The following KIAA1549L variants were observed in gnomAD, a reference collection of about 807,000 sequenced individuals.
KIAA1549L encodes the protein UPF0606 protein KIAA1549L.
Under a neutral mutation model 160.7 loss-of-function variants are expected in KIAA1549L, and 88 were observed. That is an observed-to-expected ratio of 0.55 (90% CI 0.46 to 0.65). The LOEUF (loss-of-function observed/expected upper bound fraction) is 0.65. Ranked by LOEUF, KIAA1549L falls within the 30% of genes least tolerant of loss-of-function variation. KIAA1549L has a pLI of 0.00. For missense variants in KIAA1549L, 2,258 were observed against 2,437.5 expected, an observed-to-expected ratio of 0.93 and a Z score of 1.55; for synonymous variants, 950 against 976.7, an observed-to-expected ratio of 0.97 and a Z score of 0.51.
chr11:33,532,530 C>T (rs1853797620), intron 1 of KIAA1549L, among the ~76,000 whole-genome samples: 1 of 152,194 alleles, frequency 6.6e-6, no homozygotes, highest in Non-Finnish European at 1.5e-5. Flanking sequence ...CCCCATTTTA[C>T]AGATAAGGAA....
chr11:33,570,235 C>G (rs192696276), intron 9 of KIAA1549L, among the ~76,000 whole-genome samples: 1 of 152,092 alleles, frequency 6.6e-6, no homozygotes, highest in African/African-American at 2.4e-5. Flanking sequence ...AACTCCTGAC[C>G]TCATGATCCA....
At chr11:33,641,883 A>G (rs761810152) in intron 16 of KIAA1549L, among the ~76,000 whole-genome samples, 46 of 151,978 alleles carry the variant, frequency 3.0e-4, no homozygotes, top group Non-Finnish European at 5.4e-4. Flanking sequence ...TATTGTTATT[A>G]TTTGTTTCCT....
rs770503137 is a variant in KIAA1549L, at chr11:33,574,757, A to C, written c.4286A>C (p.Tyr1429Ser). Residue 1429 changes from tyrosine to serine, a missense_variant, in exon 10 of 21, where the codon TAT becomes TCT. By Grantham distance (144) the Tyr-to-Ser change is moderately radical. Coordinates refer to ENST00000658780, the MANE Select transcript of KIAA1549L (RefSeq NM_012194.3). ...GPKDPAELTY[Y>S]TLYNGKPLLG... ...AAGGACCCAGCGGAGCTGACTTACT[A>C]TACCCTGTACAACGGGAAGCCTTTG... is the stretch of plus-strand genomic sequence containing the variant. 6.2e-7 allele frequency: 1 copy of C among 1,613,992 alleles called. No individual in the cohort carries two copies. Among genetic ancestry groups the C allele is most frequent in the Non-Finnish European group, 8.5e-7 (1 of 1,179,862 alleles).
At chr11:33,469,227 T>G (rs1434261168) in intron 1 of KIAA1549L, among the ~76,000 whole-genome samples, 4 of 152,180 alleles carry the variant, frequency 2.6e-5, no homozygotes, top group Non-Finnish European at 5.9e-5. Context: ...GCAATCTACC[T>G]TCTGTCTCTG....
intron 1 of KIAA1549L, among the ~76,000 whole-genome samples, chr11:33,489,417 A>G (rs1287370759): frequency 6.6e-6 from 1 of 152,184 alleles, no homozygotes; most frequent in Non-Finnish European, 1.5e-5. Context: ...AATTACTTCC[A>G]AAGGCTCCAT....
At chr11:33,548,192 A>C (rs921662496) in intron 4 of KIAA1549L, among the ~76,000 whole-genome samples, 1 of 152,164 alleles carries the variant, frequency 6.6e-6, no homozygotes, top group African/African-American at 2.4e-5. Flanking sequence ...TGGGGTCAGG[A>C]GTTTGAGACC....
rs116168296 is a variant in KIAA1549L, at chr11:33,499,314, C to T, written c.239-42488C>T. On this transcript the variant is annotated intron_variant, in intron 1 of 20. Transcript: ENST00000658780. ...TTTGAAGCTCAGAGAGCCCTGAATG[C>T]GTGAGGTGGCATCCTTCACTAACTA... Among the ~76,000 whole-genome samples the T allele has an allele frequency of 1.1e-3, 166 of 152,272 alleles. 1 individual carries two copies. The highest frequency in any genetic ancestry group is 3.6e-3 in the African/African-American group (150 of 41,554).
chr11:33,654,989 A>G (rs1337477621), intron 17 of KIAA1549L, among the ~76,000 whole-genome samples: 2 of 152,152 alleles, frequency 1.3e-5, no homozygotes, highest in African/African-American at 2.4e-5. Context: ...CAGGTTTAAA[A>G]TCCTGTCATC....
Position 33,405,703 on chromosome 11 carries a change from G to A in KIAA1549L, c.238+28814G>A, listed in dbSNP as rs543088645. Reference sequence around the variant, plus strand: ...CTAAAAATACAAAAATTAGCCAGGCGTGGTGGCGGGCACCTGTAGTCCCAG... The same window carrying A: ...CTAAAAATACAAAAATTAGCCAGGCATGGTGGCGGGCACCTGTAGTCCCAG... On this transcript the variant is annotated intron_variant, in intron 1 of 20. Coordinates refer to ENST00000658780, the MANE Select transcript of KIAA1549L (RefSeq NM_012194.3). 4.0e-5 allele frequency among the ~76,000 whole-genome samples: 6 copies of A among 151,762 alleles called. No homozygotes were observed. In the East Asian group the frequency reaches 7.7e-4, roughly 20 times the overall value.
intron 1 of KIAA1549L, among the ~76,000 whole-genome samples, chr11:33,499,728 T>C (rs1408586252): frequency 1.3e-5 from 2 of 152,208 alleles, no homozygotes; most frequent in Admixed American, 1.3e-4. Context: ...CGTTTTGGGT[T>C]GTACCCAAGC....
chr11:33,607,903 G>A (rs760606250), intron 14 of KIAA1549L, among the ~76,000 whole-genome samples: 16 of 152,286 alleles, frequency 1.1e-4, no homozygotes, highest in African/African-American at 3.8e-4. Flanking sequence ...GGTTGTGGAC[G>A]TACAGAGCAC....
chr11:33,559,374 G>T (rs905165465), intron 6 of KIAA1549L, among the ~76,000 whole-genome samples: 2 of 152,192 alleles, frequency 1.3e-5, no homozygotes. Flanking sequence ...ACATACCAGT[G>T]ATTAAGAACC....
intron 1 of KIAA1549L, among the ~76,000 whole-genome samples, chr11:33,455,045 C>T (rs1005688026): frequency 5.9e-5 from 9 of 152,232 alleles, no homozygotes; most frequent in Admixed American, 1.3e-4. Context: ...GCCGAGATTG[C>T]GCCACTGCAC....
intron 1 of KIAA1549L, among the ~76,000 whole-genome samples, chr11:33,390,413 A>G (rs1325672926): frequency 2.0e-5 from 3 of 152,166 alleles, no homozygotes; most frequent in Non-Finnish European, 4.4e-5. Flanking sequence ...TAAACCTTGC[A>G]CGGGGCTTTT....
At position 33,574,731 on chromosome 11, in the gene KIAA1549L, G is replaced by A. The variant is rs139772715; in HGVS notation, c.4260G>A (p.Pro1420=). 11,681 of 1,612,802 alleles carry A rather than the reference G, an allele frequency of 7.2e-3. 55 individuals carry two copies. The highest frequency in any genetic ancestry group is 8.7e-3 in the Non-Finnish European group (10,268 of 1,179,216). Residue 1420 remains proline, a synonymous_variant, in exon 10 of 21, where the codon CCG becomes CCA. Transcript: ENST00000658780. ...QMVKMQRVPG[P]KDPAELTYYT... ...TGAAGATGCAGCGTGTCCCAGGCCC[G>A]AAGGACCCAGCGGAGCTGACTTACT...
rs1732328213 is a variant in KIAA1549L, at chr11:33,543,083, T to G, written c.1520T>G (p.Phe507Cys). The G allele has an allele frequency of 6.2e-7, 1 of 1,613,824 alleles. No homozygotes were observed. Among genetic ancestry groups the G allele is most frequent in the Non-Finnish European group, 8.5e-7 (1 of 1,179,886 alleles). The part of the protein sequence containing the change: ...GTADFPSILT[F>C]LQPTENHASP... ...GCCGACTTTCCCTCCATACTTACTT[T>G]CCTCCAGCCCACAGAGAATCATGCC... The change falls in exon 2 of 21, where the codon TTC (phenylalanine) becomes TGC (cysteine). Residue 507 changes from phenylalanine to cysteine, a missense_variant. Phe to Cys is a radical substitution (Grantham distance 205, BLOSUM62 -2). Transcript: ENST00000658780.
At chr11:33,659,327 A>G (rs1463358237) in intron 19 of KIAA1549L, among the ~76,000 whole-genome samples, 1 of 152,214 alleles carries the variant, frequency 6.6e-6, no homozygotes, top group African/African-American at 2.4e-5. Flanking sequence ...TTTGAAATTT[A>G]CATAAATGAT....
At chr11:33,490,900 C>T (rs1006777642) in intron 1 of KIAA1549L, among the ~76,000 whole-genome samples, 1 of 152,204 alleles carries the variant, frequency 6.6e-6, no homozygotes, top group Admixed American at 6.5e-5. Flanking sequence ...AGGTAATGCC[C>T]ACCCTGCTGG....
intron 1 of KIAA1549L, among the ~76,000 whole-genome samples, chr11:33,536,671 G>T (rs982529734): frequency 6.6e-6 from 1 of 152,162 alleles, no homozygotes; most frequent in African/African-American, 2.4e-5. Context: ...TTAATGGGAG[G>T]CATAAAGGAG....
Sources: gnomAD v4.1 joint callset for allele counts (sites outside exome capture counted in the v4.1 genomes callset) on GRCh38, gnomAD v4.1.1 for gene constraint, MANE v1.5 for transcripts, NCBI Gene and HGNC (gene_info 2026-07-23, HGNC 2026-07-21) for gene names.